Variants in GDPD4 observed in about 807,000 individuals in gnomAD.
GDPD4 encodes glycerophosphodiester phosphodiesterase domain containing 4.
In GDPD4, 60 loss-of-function variants were observed where a neutral mutation model predicts 67.8. The ratio of observed to expected loss-of-function variants is 0.88; its 90% confidence interval spans 0.72 to 1.10. The LOEUF is 1.10. GDPD4 is among the 50% of genes least tolerant of loss of function. The probability of loss-of-function intolerance (pLI) is 0.00; values close to 1 mark genes in which losing one functional copy is unlikely to be tolerated. For synonymous variants in GDPD4, 212 were observed against 210.9 expected (o/e 1.00, Z -0.04); for missense variants, 623 against 613.9 (o/e 1.01, Z -0.16).
rs1959192971 is a variant in GDPD4, at chr11:77,269,053, A to G, written c.495T>C (p.Val165=). Residue 165 remains valine, a synonymous_variant, in exon 9 of 17, where the codon GTT becomes GTC. Coordinates refer to ENST00000315938, the MANE Select transcript of GDPD4 (RefSeq NM_182833.3). The part of the protein sequence containing the change: ...ITRLRGLQVP[V]GLPFLLILLG... The stretch of plus-strand genomic sequence containing the variant: ...AAAGGATAAGAAGAAAGGGTAATCC[A>G]ACAGGCACTTGTAGACCTGAAAAAT... 1 of 1,613,848 alleles carries G rather than the reference A, an allele frequency of 6.2e-7. No homozygotes were observed. Among genetic ancestry groups the G allele is most frequent in the East Asian group, 2.2e-5 (1 of 44,866 alleles).
intron 16 of GDPD4, among the ~76,000 whole-genome samples, chr11:77,225,343 T>TAACA (rs1958308569): frequency 6.7e-6 from 1 of 149,774 alleles, no homozygotes; most frequent in Non-Finnish European, 1.5e-5. Context: ...GATAATATAC[T>TAACA]AACAAACAGC....
chr11:77,259,031 C>A (rs1298654151), intron 10 of GDPD4, among the ~76,000 whole-genome samples: 1 of 152,198 alleles, frequency 6.6e-6, no homozygotes, highest in African/African-American at 2.4e-5. Context: ...GTCACCCAGA[C>A]TGGAGTGCAG....
At chr11:77,296,882 C>T (rs902195041) in intron 1 of GDPD4, among the ~76,000 whole-genome samples, 2 of 150,340 alleles carry the variant, frequency 1.3e-5, no homozygotes, top group Admixed American at 6.6e-5. Flanking sequence ...GGTGAAACTC[C>T]GTCTCTACTA....
Position 77,216,923 on chromosome 11 carries a change from T to C in GDPD4, c.*354A>G. The stretch of plus-strand genomic sequence containing the variant: ...GGAGTATTCAGCCATGGGGATCTCT[T>C]AGAGGTCTCTTATTTAAGGATAGGG... On this transcript the variant is annotated 3_prime_UTR_variant, in exon 17 of 17. Transcript: ENST00000315938. 3 of 701,036 alleles carry C rather than the reference T, an allele frequency of 4.3e-6. No individual in the cohort carries two copies. In the East Asian group the frequency reaches 8.0e-5, roughly 19 times the overall value. 43.4% of individuals were successfully genotyped at this position (701,036 alleles called of 1,614,324 possible).
In GDPD4 at chr11:77,223,984, G is replaced by C. The variant is rs117998837; in HGVS notation, c.1525+3880C>G. On this transcript the variant is annotated intron_variant, in intron 16 of 16. Transcript: ENST00000315938. Reference sequence around the variant, plus strand: ...TAGTGGTGAGCAAGGCTCTGTGGGCGTGGGACCTGCTGAACCAGGCAGGGA... The same window carrying C: ...TAGTGGTGAGCAAGGCTCTGTGGGCCTGGGACCTGCTGAACCAGGCAGGGA... 1.1e-3 allele frequency among the ~76,000 whole-genome samples: 164 copies of C among 152,342 alleles called. 2 individuals are homozygous for C. The East Asian group carries it at 0.031, about 29-fold the overall frequency.
chr11:77,265,265 G>A (rs1219533588), intron 10 of GDPD4, among the ~76,000 whole-genome samples: 3 of 152,116 alleles, frequency 2.0e-5, no homozygotes, highest in Non-Finnish European at 4.4e-5. Flanking sequence ...TAGAAGGGTA[G>A]ACCAATAAAA....
intron 3 of GDPD4, among the ~76,000 whole-genome samples, chr11:77,282,846 AT>A (rs1224728135): frequency 6.6e-6 from 1 of 152,218 alleles, no homozygotes; most frequent in Non-Finnish European, 1.5e-5. Flanking sequence ...GCCAAACTGG[AT>A]TTGAGAAACC....
chr11:77,222,325 TTTACAGTTTG>T (rs1349268661), intron 16 of GDPD4, among the ~76,000 whole-genome samples: 5 of 152,222 alleles, frequency 3.3e-5, no homozygotes, highest in Non-Finnish European at 5.9e-5. Context: ...TTTGACGGTC[TTTACAGTTTG>T]GCATGTTTTT....
chr11:77,257,547 T>A, intron 11 of GDPD4, among the ~76,000 whole-genome samples: 1 of 114,104 alleles, frequency 8.8e-6, no homozygotes, highest in East Asian at 2.5e-4. Flanking sequence ...CCTCCCTCCC[T>A]CTCCTACACA....
intron 13 of GDPD4, 34 bp downstream of exon 13, chr11:77,243,660 A>G (rs183228052): frequency 3.2e-6 from 5 of 1,575,812 alleles, no homozygotes; most frequent in Admixed American, 3.4e-5. Flanking sequence ...AAGTAAGGCA[A>G]TATGTGCCAA....
intron 16 of GDPD4, among the ~76,000 whole-genome samples, chr11:77,223,271 C>G (rs1260368039): frequency 6.6e-6 from 1 of 152,158 alleles, no homozygotes; most frequent in Non-Finnish European, 1.5e-5. Flanking sequence ...TGGCAAGGAG[C>G]TGCAATCCTT....
intron 4 of GDPD4, among the ~76,000 whole-genome samples, chr11:77,278,429 A>G (rs1455037629): frequency 6.6e-6 from 1 of 152,210 alleles, no homozygotes; most frequent in Non-Finnish European, 1.5e-5. Flanking sequence ...ATCCCACTAC[A>G]GTGACAAGGA....
intron 13 of GDPD4, among the ~76,000 whole-genome samples, chr11:77,238,584 CA>C (rs199508047): frequency 0.12 from 14,636 of 117,918 alleles, 1,684 homozygotes; most frequent in African/African-American, 0.37. Context: ...AACTCCGTCT[CA>C]AAAAAAAAAA....
At chr11:77,298,708 G>A (rs1158351478) in intron 1 of GDPD4, among the ~76,000 whole-genome samples, 1 of 152,074 alleles carries the variant, frequency 6.6e-6, no homozygotes, top group African/African-American at 2.4e-5. Flanking sequence ...GGAAGGGTCT[G>A]GAAGAAAAAG....
chr11:77,217,610 A>ATTAGT (rs1172880696), intron 16 of GDPD4, among the ~76,000 whole-genome samples: 1 of 152,250 alleles, frequency 6.6e-6, no homozygotes, highest in African/African-American at 2.4e-5. Context: ...TAGCCATTAA[A>ATTAGT]TTAGTTTAGA....
chr11:77,239,489 T>G (rs371558099), intron 13 of GDPD4, among the ~76,000 whole-genome samples: 3 of 152,230 alleles, frequency 2.0e-5, no homozygotes, highest in African/African-American at 7.2e-5. Flanking sequence ...GGTTGCAAAG[T>G]TGCAGGATAC....
At chr11:77,237,622 A>G (rs67721066) in intron 13 of GDPD4, among the ~76,000 whole-genome samples, 37,973 of 152,138 alleles carry the variant, frequency 0.25, 5,062 homozygotes, top group Admixed American at 0.35. Flanking sequence ...TCTGATCACA[A>G]TAAGCTTAAA....
chr11:77,281,895 G>A (rs1476136290), intron 3 of GDPD4, among the ~76,000 whole-genome samples: 3 of 151,946 alleles, frequency 2.0e-5, no homozygotes, highest in Admixed American at 6.6e-5. Flanking sequence ...CCTCTTCTAC[G>A]GCACACGTAG....
Position 77,287,176 on chromosome 11 carries a change from C to T in GDPD4, c.-51+42G>A, listed in dbSNP as rs970657612. ...GGCCCAGCAGTCAGCCTATGCTCCC[C>T]GCATCTGAGAAAATGTGGTCCAGCT... On this transcript the variant is annotated intron_variant, in intron 2 of 16. Coordinates refer to ENST00000315938, the MANE Select transcript of GDPD4 (RefSeq NM_182833.3). 4.6e-5 allele frequency: 7 copies of T among 152,300 alleles called. No individual in the cohort carries two copies. In the East Asian group the frequency reaches 5.8e-4, roughly 13 times the overall value. The allele number at this position is 152,300 out of a possible 1,614,324, so 9.4% of individuals were successfully genotyped here. A position where few individuals can be genotyped will look rare whatever the true frequency, so the allele number is the denominator to read the frequency against.
Sources: gnomAD v4.1 joint callset for allele counts (sites outside exome capture counted in the v4.1 genomes callset) on GRCh38, gnomAD v4.1.1 for gene constraint, MANE v1.5 for transcripts, NCBI Gene and HGNC (gene_info 2026-07-23, HGNC 2026-07-21) for gene names.